The following NRXN3 variants were observed in gnomAD, a reference collection of about 807,000 sequenced individuals.
The protein encoded by NRXN3 is neurexin III.
NRXN3 carries 32 observed loss-of-function variants against 137.6 expected under a neutral mutation model. That is an observed-to-expected ratio of 0.23 (90% CI 0.18 to 0.31). The LOEUF (loss-of-function observed/expected upper bound fraction) is 0.31, where lower values mean the gene tolerates loss of function less well. Among genes scored for constraint, NRXN3 ranks in the 10% least tolerant of loss-of-function variants. The pLI is 1.00. For synonymous variants in NRXN3, 798 were observed against 784.5 expected, an observed-to-expected ratio of 1.02 and a Z score of -0.29; for missense variants, 1,574 against 2,062.5, an observed-to-expected ratio of 0.76 and a Z score of 4.59.
Position 79,492,546 on chromosome 14 carries a change from C to T in NRXN3, c.3444+25144C>T, listed in dbSNP as rs145665047. ...TACAGGCACGTGCTACCATGCCCAG[C>T]TAACTTTTGTACCTTTAGTAAAGAT... is the stretch of plus-strand genomic sequence containing the variant. On this transcript the variant is annotated intron_variant, in intron 16 of 20. Coordinates refer to ENST00000335750, the MANE Select transcript of NRXN3 (RefSeq NM_001330195.2). Among the ~76,000 whole-genome samples, 1,510 of 152,136 alleles carry T rather than the reference C, an allele frequency of 9.9e-3. 28 individuals carry two copies. The highest frequency in any genetic ancestry group is 0.034 in the African/African-American group (1,431 of 41,488).
chr14:78,684,689 G>C (rs931681974), intron 6 of NRXN3, among the ~76,000 whole-genome samples: 1 of 152,138 alleles, frequency 6.6e-6, no homozygotes. Flanking sequence ...AGCTACTTAG[G>C]AGGCTGAGGC....
At chr14:78,926,365 C>A (rs116869849) in intron 10 of NRXN3, among the ~76,000 whole-genome samples, 3,610 of 151,604 alleles carry the variant, frequency 0.024, 60 homozygotes, top group Middle Eastern at 0.048. Context: ...TTATATATTT[C>A]TGGAATATTC....
chr14:78,732,521 T>A (rs979086301), intron 8 of NRXN3, among the ~76,000 whole-genome samples: 5 of 152,218 alleles, frequency 3.3e-5, no homozygotes, highest in Admixed American at 2.6e-4. Flanking sequence ...CACATAGGCT[T>A]CAGAAGACAT....
chr14:79,806,960 ATATTTTTTTTTTT>A (rs1268243210), intron 20 of NRXN3, among the ~76,000 whole-genome samples: 3 of 51,814 alleles, frequency 5.8e-5, no homozygotes, highest in Admixed American at 2.9e-4. Context: ...ATATATATAT[ATATTTTTTTTTTT>A]TTTTTTTTTT....
intron 1 of NRXN3, among the ~76,000 whole-genome samples, chr14:78,181,183 C>T (rs1181899917): frequency 6.6e-6 from 1 of 152,304 alleles, no homozygotes; most frequent in South Asian, 2.1e-4. Context: ...GTTTTTTTCT[C>T]ATTAGAATAA....
At chr14:78,185,941 G>T (rs559505070) in intron 1 of NRXN3, among the ~76,000 whole-genome samples, 1 of 152,294 alleles carries the variant, frequency 6.6e-6, no homozygotes, top group African/African-American at 2.4e-5. Flanking sequence ...TTTAGTCTGT[G>T]TGTCCTTGGA....
chr14:78,799,442 T>G (rs2098832061), intron 8 of NRXN3, among the ~76,000 whole-genome samples: 1 of 152,234 alleles, frequency 6.6e-6, no homozygotes, highest in Admixed American at 6.5e-5. Flanking sequence ...GTCAGCATTT[T>G]GGTGAAAGCC....
At chr14:79,199,882 T>A (rs1367817609) in intron 15 of NRXN3, 1 of 152,194 alleles carries the variant, frequency 6.6e-6, no homozygotes, top group Non-Finnish European at 1.5e-5. Flanking sequence ...TGAAAACTTA[T>A]AAAAGGCCCG....
At chr14:79,412,805 A>AAAAC in intron 15 of NRXN3, among the ~76,000 whole-genome samples, 1 of 150,840 alleles carries the variant, frequency 6.6e-6, no homozygotes, top group Non-Finnish European at 1.5e-5. Context: ...AAAAAAAAAA[A>AAAAC]AAGGCTGAGA....
intron 20 of NRXN3, among the ~76,000 whole-genome samples, chr14:79,822,388 G>A (rs896757496): frequency 6.6e-6 from 1 of 152,098 alleles, no homozygotes; most frequent in Non-Finnish European, 1.5e-5. Context: ...ACTGTATCAT[G>A]TTTTTTTGGA....
chr14:79,285,940 A>T (rs1312744055), intron 15 of NRXN3, among the ~76,000 whole-genome samples: 1 of 150,874 alleles, frequency 6.6e-6, no homozygotes, highest in Non-Finnish European at 1.5e-5. Context: ...ATTGGACTCA[A>T]ACTTTCACAG....
chr14:79,676,040 GAT>G (rs1301754538), intron 17 of NRXN3, among the ~76,000 whole-genome samples: 2 of 151,990 alleles, frequency 1.3e-5, no homozygotes, highest in African/African-American at 4.8e-5. Context: ...CACCCTGATT[GAT>G]ATGTCTGTCT....
chr14:79,861,977 T>G lies in NRXN3; in HGVS notation c.*13T>G. ...GTATTACGTGTAAACATGCGAACACTGCTCACACGCGAGTTTTCACAGTTA... is the reference window on the plus strand; with the variant it reads ...GTATTACGTGTAAACATGCGAACACGGCTCACACGCGAGTTTTCACAGTTA... On this transcript the variant is annotated 3_prime_UTR_variant, in exon 21 of 21. Coordinates refer to ENST00000335750, the MANE Select transcript of NRXN3 (RefSeq NM_001330195.2). The surrounding 1 kb of genome is among the most constrained non-coding windows in gnomAD (Gnocchi z 5.4). 1 of 1,590,340 alleles carries G rather than the reference T, an allele frequency of 6.3e-7. No homozygotes were observed. Among genetic ancestry groups the G allele is most frequent in the Non-Finnish European group, 8.6e-7 (1 of 1,164,642 alleles).
rs1013563567 is a variant in NRXN3, at chr14:79,865,958, A to G, written c.*3994A>G. 3 of 152,154 alleles carry G rather than the reference A, an allele frequency of 2.0e-5. No individual in the cohort carries two copies. Among genetic ancestry groups the G allele is most frequent in the African/African-American group, 7.2e-5 (3 of 41,430 alleles). 9.4% of individuals were successfully genotyped at this position (152,154 alleles called of 1,614,324 possible). A position where few individuals can be genotyped will look rare whatever the true frequency, so the allele number is the denominator to read the frequency against. On this transcript the variant is annotated 3_prime_UTR_variant, in exon 21 of 21. Transcript: ENST00000335750. ...TGAAATCTTTCTAAATCTCACTAAT[A>G]TATAATTCTAGGACTACTTTAAGCA...
At chr14:78,610,096 A>G (rs2097287970) in intron 4 of NRXN3, among the ~76,000 whole-genome samples, 1 of 151,852 alleles carries the variant, frequency 6.6e-6, no homozygotes, top group South Asian at 2.1e-4. Context: ...ATGGAATGGA[A>G]AGTTACATTT....
chr14:79,140,573 C>CTGTGTGTGTGTGTGTGTG (rs3035591), intron 15 of NRXN3, among the ~76,000 whole-genome samples: 1 of 143,834 alleles, frequency 7.0e-6, no homozygotes, highest in African/African-American at 2.6e-5. Flanking sequence ...CCCCACCTCA[C>CTGTGTGTGTGTGTGTGTG]TGTGTGTGTG....
chr14:79,249,755 G>A (rs1277896932), intron 15 of NRXN3, among the ~76,000 whole-genome samples: 1 of 152,160 alleles, frequency 6.6e-6, no homozygotes, highest in African/African-American at 2.4e-5. Context: ...GATCTATACA[G>A]CTTATAGCAG....
intron 4 of NRXN3, among the ~76,000 whole-genome samples, chr14:78,605,882 A>T (rs1239761824): frequency 6.6e-6 from 1 of 152,204 alleles, no homozygotes; most frequent in Non-Finnish European, 1.5e-5. Flanking sequence ...TTTTTAAAAT[A>T]ATAAAATAAT....
chr14:79,769,597 C>G (rs778742410), intron 19 of NRXN3, among the ~76,000 whole-genome samples: 9 of 151,976 alleles, frequency 5.9e-5, no homozygotes, highest in Non-Finnish European at 1.3e-4. Context: ...ACCACCAGGC[C>G]TGCCCTATAA....
Sources: gnomAD v4.1 joint callset for allele counts (sites outside exome capture counted in the v4.1 genomes callset) on GRCh38, gnomAD v4.1.1 for gene constraint, Gnocchi (gnomAD v3.1) non-coding constraint, MANE v1.5 for transcripts, NCBI Gene and HGNC (gene_info 2026-07-23, HGNC 2026-07-21) for gene names.